Variants in TMEM26 observed in about 807,000 individuals in gnomAD.
TMEM26 encodes the protein transmembrane protein 26.
In TMEM26, 38 loss-of-function variants were observed where a neutral mutation model predicts 28.8. That is an observed-to-expected ratio of 1.32 (90% CI 1.02 to 1.73). The LOEUF (loss-of-function observed/expected upper bound fraction) is 1.73, where lower values mean the gene tolerates loss of function less well. TMEM26 is among the 40% of genes most tolerant of loss of function. TMEM26 has a pLI of 0.00. For missense variants in TMEM26, 518 were observed against 447.1 expected, an observed-to-expected ratio of 1.16 and a Z score of -1.43; for synonymous variants, 227 against 182.9, an observed-to-expected ratio of 1.24 and a Z score of -1.95.
chr10:61,421,880 T>TG (rs1839755166), intron 4 of TMEM26, among the ~76,000 whole-genome samples: 1 of 152,042 alleles, frequency 6.6e-6, no homozygotes, highest in Non-Finnish European at 1.5e-5. Flanking sequence ...TGTACTTAAC[T>TG]GGGGAGGAAA....
At position 61,434,368 on chromosome 10, in the gene TMEM26, G is replaced by A. The variant is rs1279978143; in HGVS notation, c.270+1802C>T. On this transcript the variant is annotated intron_variant, in intron 2 of 5. Coordinates refer to ENST00000399298, the MANE Select transcript of TMEM26 (RefSeq NM_178505.8). Reference sequence around the variant, plus strand: ...TGGTTGCACGTTATTTGTTGTAACGGGATTTGAGCTGTATATCAATTAATT... The same window carrying A: ...TGGTTGCACGTTATTTGTTGTAACGAGATTTGAGCTGTATATCAATTAATT... 3.3e-5 allele frequency among the ~76,000 whole-genome samples: 5 copies of A among 151,966 alleles called. No individual in the cohort carries two copies. The East Asian group carries it at 7.7e-4, about 23-fold the overall frequency.
At chr10:61,431,665 A>G (rs1839925296) in intron 2 of TMEM26, among the ~76,000 whole-genome samples, 1 of 151,922 alleles carries the variant, frequency 6.6e-6, no homozygotes, top group Non-Finnish European at 1.5e-5. Context: ...CAAACAAATA[A>G]CCAGTGACAA....
At chr10:61,452,569 A>G (rs1840306009) in intron 1 of TMEM26, 1 of 298,138 alleles carries the variant, frequency 3.4e-6, no homozygotes, top group South Asian at 5.3e-5. Flanking sequence ...TTGTCCCAAG[A>G]CTCCCCTATT....
intron 1 of TMEM26, among the ~76,000 whole-genome samples, chr10:61,441,363 T>C (rs1457150159): frequency 6.6e-6 from 1 of 152,258 alleles, no homozygotes; most frequent in African/African-American, 2.4e-5. Context: ...TTTTATATGT[T>C]CTGCTCCTAT....
At chr10:61,436,741 A>G (rs1230262683) in intron 1 of TMEM26, among the ~76,000 whole-genome samples, 1 of 152,224 alleles carries the variant, frequency 6.6e-6, no homozygotes, top group Admixed American at 6.5e-5. Context: ...AAGGACTAGG[A>G]ATGAGAGTAA....
intron 5 of TMEM26, 86 bp downstream of exon 5, chr10:61,413,373 C>T: frequency 6.5e-7 from 1 of 1,543,004 alleles, no homozygotes. Context: ...CATGATAATC[C>T]TTTCACTTGC....
At chr10:61,434,738 T>C (rs1331147363) in intron 2 of TMEM26, among the ~76,000 whole-genome samples, 1 of 152,238 alleles carries the variant, frequency 6.6e-6, no homozygotes, top group Non-Finnish European at 1.5e-5. Flanking sequence ...TACTTGCTTG[T>C]AGAATTCTTC....
rs1001673117 is a variant in TMEM26, at chr10:61,438,238, T to C, written c.192-1990A>G. ...GTCATGATATTATTAAAATCTGACT[T>C]GGAGGATGGTGAAGCTGTAGAGAGA... On this transcript the variant is annotated intron_variant, in intron 1 of 5. Coordinates refer to ENST00000399298, the MANE Select transcript of TMEM26 (RefSeq NM_178505.8). Among the ~76,000 whole-genome samples, 4 of 152,086 alleles carry C rather than the reference T, an allele frequency of 2.6e-5. No homozygotes were observed. The East Asian group carries it at 7.7e-4, about 29-fold the overall frequency.
chr10:61,426,644 C>T (rs1029798123), intron 4 of TMEM26, among the ~76,000 whole-genome samples: 2 of 152,022 alleles, frequency 1.3e-5, no homozygotes, highest in African/African-American at 4.8e-5. Flanking sequence ...TCAGCCTAAA[C>T]TATGGAATAA....
intron 1 of TMEM26, among the ~76,000 whole-genome samples, chr10:61,440,445 A>G (rs991281398): frequency 3.6e-5 from 5 of 139,276 alleles, no homozygotes; most frequent in Non-Finnish European, 6.0e-5. Flanking sequence ...GGCCCTGCCC[A>G]CCTCTTGCTC....
At position 61,418,518 on chromosome 10, in the gene TMEM26, T is replaced by C. The variant is rs149100260; in HGVS notation, c.606-4983A>G. Reference sequence around the variant, plus strand: ...TATGAAAAGATAAATTAGGGACCTATAGTCAGCAAAAAAACAAAAAAACCC... The same window carrying C: ...TATGAAAAGATAAATTAGGGACCTACAGTCAGCAAAAAAACAAAAAAACCC... On this transcript the variant is annotated intron_variant, in intron 4 of 5. Transcript: ENST00000399298. 5.2e-4 allele frequency among the ~76,000 whole-genome samples: 79 copies of C among 152,082 alleles called. 1 individual carries two copies. Among genetic ancestry groups the C allele is most frequent in the African/African-American group, 1.7e-3 (72 of 41,516 alleles).
intron 2 of TMEM26, among the ~76,000 whole-genome samples, chr10:61,433,933 T>G (rs921368076): frequency 6.6e-6 from 1 of 152,108 alleles, no homozygotes; most frequent in Non-Finnish European, 1.5e-5. Flanking sequence ...AGTCTCAGGA[T>G]CCTCGTCTTT....
At chr10:61,433,635 G>T (rs1314438440) in intron 2 of TMEM26, among the ~76,000 whole-genome samples, 1 of 152,090 alleles carries the variant, frequency 6.6e-6, no homozygotes, top group Non-Finnish European at 1.5e-5. Context: ...TAAGAAATTA[G>T]TTATCTAGGA....
chr10:61,418,085 T>C (rs2135292989), intron 4 of TMEM26, among the ~76,000 whole-genome samples: 1 of 152,072 alleles, frequency 6.6e-6, no homozygotes, highest in African/African-American at 2.4e-5. Context: ...TTTTTTTAAT[T>C]GTACTGAATG....
intron 4 of TMEM26, chr10:61,414,009 A>G: frequency 1.4e-5 from 14 of 987,846 alleles, no homozygotes; most frequent in Non-Finnish European, 1.6e-5. Flanking sequence ...AATTGTCATT[A>G]GATAGGAAAA....
rs749585492 is a variant in TMEM26 at position 61,408,403 on chromosome 10, CTACTTTA to C, written c.*1912_*1918del. 1 of 152,188 alleles carries C rather than the reference CTACTTTA, an allele frequency of 6.6e-6. No homozygotes were observed. The highest frequency in any genetic ancestry group is 1.5e-5 in the Non-Finnish European group (1 of 68,034). 9.4% of individuals were successfully genotyped at this position (152,188 alleles called of 1,614,324 possible). ...TAAAAATATCCTTGCAACAGCCGTACTACTTTATACTTTATCTATTTTTAGGGCCTCA... is the reference window on the plus strand; with the variant it reads ...TAAAAATATCCTTGCAACAGCCGTACTACTTTATCTATTTTTAGGGCCTCA... On this transcript the variant is annotated 3_prime_UTR_variant, in exon 6 of 6. Transcript: ENST00000399298.
At chr10:61,427,906 G>A (rs187846036) in intron 4 of TMEM26, among the ~76,000 whole-genome samples, 17 of 152,110 alleles carry the variant, frequency 1.1e-4, no homozygotes, top group Admixed American at 9.8e-4. Flanking sequence ...TAAAACTACG[G>A]AACTAAAATC....
chr10:61,415,793 A>G lies in TMEM26; in HGVS notation c.606-2258T>C, dbSNP rs147481257. Among the ~76,000 whole-genome samples, 74 of 152,192 alleles carry G rather than the reference A, an allele frequency of 4.9e-4. 1 individual carries two copies. Among genetic ancestry groups the G allele is most frequent in the African/African-American group, 1.7e-3 (72 of 41,568 alleles). On this transcript the variant is annotated intron_variant, in intron 4 of 5. Transcript: ENST00000399298. ...GCTTCATATATTAGGAGAAACATTT[A>G]TAAAGTTTCTTGTACCAAAGGGGGA...
At position 61,453,134 on chromosome 10, in the gene TMEM26, C is replaced by T. The variant is rs969175670; in HGVS notation, c.-53G>A. The stretch of plus-strand genomic sequence containing the variant: ...CCTTGCCTGCGCCCCCAGGACCCTG[C>T]CGGGCGTGCCCGGAGCCCACCGGTG... On this transcript the variant is annotated 5_prime_UTR_variant, in exon 1 of 6. Coordinates refer to ENST00000399298, the MANE Select transcript of TMEM26 (RefSeq NM_178505.8). 30 of 1,563,934 alleles carry T rather than the reference C, an allele frequency of 1.9e-5. No individual in the cohort carries two copies. The highest frequency in any genetic ancestry group is 1.8e-5 in the Non-Finnish European group (21 of 1,149,020).
Sources: gnomAD v4.1 joint callset for allele counts (sites outside exome capture counted in the v4.1 genomes callset) on GRCh38, gnomAD v4.1.1 for gene constraint, MANE v1.5 for transcripts, NCBI Gene and HGNC (gene_info 2026-07-23, HGNC 2026-07-21) for gene names.